PSME4: variants seen among roughly 807,000 people sequenced by gnomAD.
PSME4 encodes proteasome activator subunit 4, also known as proteasome activator complex subunit 4.
A neutral mutation model predicts 253.9 loss-of-function variants in PSME4; 89 were observed. That is an observed-to-expected ratio of 0.35 (90% CI 0.30 to 0.42). The LOEUF (loss-of-function observed/expected upper bound fraction) is 0.42. Ranked by LOEUF, PSME4 falls within the 10% of genes least tolerant of loss-of-function variation. The probability of loss-of-function intolerance (pLI) is 1.00; values close to 1 mark genes in which losing one functional copy is unlikely to be tolerated. For missense variants in PSME4, 2,014 were observed against 2,195.2 expected (o/e 0.92, Z 1.65); for synonymous variants, 851 against 759.2 (o/e 1.12, Z -1.99).
Position 53,901,241 on chromosome 2 carries a change from A to C in PSME4, c.3285+109T>G, listed in dbSNP as rs1573245476. On this transcript the variant is annotated intron_variant, in intron 28 of 46. Transcript: ENST00000404125. ...AAACGCTTTTTTAAAAAAACACTGGACTCAAATGCCAAGAATATTATTACT... is the reference window on the plus strand; with the variant it reads ...AAACGCTTTTTTAAAAAAACACTGGCCTCAAATGCCAAGAATATTATTACT... 10 of 986,900 alleles carry C rather than the reference A, an allele frequency of 1.0e-5. No homozygotes were observed. In the East Asian group the frequency reaches 2.5e-4, roughly 25 times the overall value. 61.1% of individuals were successfully genotyped at this position (986,900 alleles called of 1,614,324 possible).
intron 19 of PSME4, 40 bp downstream of exon 19, chr2:53,920,153 G>C (rs781639536): frequency 1.3e-6 from 2 of 1,527,568 alleles, no homozygotes; most frequent in Non-Finnish European, 1.8e-6. Flanking sequence ...GACTTCTTTA[G>C]TCTGCAACTG....
At chr2:53,949,080 T>C in intron 2 of PSME4, 63 bp downstream of exon 2, 1 of 1,465,198 alleles carries the variant, frequency 6.8e-7, no homozygotes, top group Non-Finnish European at 9.0e-7. Context: ...CACTTAGTCC[T>C]CATTCCCTAA....
At chr2:53,866,600 A>T (rs1573174803) in intron 45 of PSME4, 147 bp downstream of exon 45, 1 of 859,934 alleles carries the variant, frequency 1.2e-6, no homozygotes, top group Non-Finnish European at 1.7e-6. Flanking sequence ...GTAATTTTTT[A>T]ATAATTACTG....
chr2:53,934,562 A>C (rs1291365548), intron 8 of PSME4, 43 bp downstream of exon 8: 1 of 1,573,674 alleles, frequency 6.4e-7, no homozygotes, highest in Admixed American at 1.7e-5. Flanking sequence ...GTTAACACAA[A>C]ATAGGCGTAA....
At chr2:53,903,347 A>G (rs1444563143) in intron 27 of PSME4, among the ~76,000 whole-genome samples, 1 of 152,100 alleles carries the variant, frequency 6.6e-6, no homozygotes, top group Non-Finnish European at 1.5e-5. Context: ...AGTAACTTTG[A>G]CATTTCCTTT....
chr2:53,947,427 T>TG (rs1046467723), intron 3 of PSME4, among the ~76,000 whole-genome samples: 3 of 152,002 alleles, frequency 2.0e-5, no homozygotes, highest in Admixed American at 1.3e-4. Flanking sequence ...GTACACAGGC[T>TG]GGGGGTGGTG....
intron 20 of PSME4, among the ~76,000 whole-genome samples, chr2:53,910,910 A>C (rs955940457): frequency 2.0e-5 from 3 of 152,232 alleles, no homozygotes; most frequent in African/African-American, 7.2e-5. Context: ...ACATTCTAAA[A>C]GGAAAAAAAG....
intron 41 of PSME4, among the ~76,000 whole-genome samples, chr2:53,883,160 A>G (rs1006356527): frequency 2.0e-5 from 3 of 152,186 alleles, no homozygotes; most frequent in Non-Finnish European, 4.4e-5. Flanking sequence ...TTAAACTTAC[A>G]CTGTTACTGA....
Position 53,921,062 on chromosome 2 carries a change from G to A in PSME4, c.2089C>T (p.Gln697Ter). The A allele has an allele frequency of 6.2e-7, 1 of 1,613,962 alleles. No individual in the cohort carries two copies. ...GTTCTTTGGAGAATCTTTACAAGCT[G>A]CTCCCTATAAAGAAGCAACTTCCTT... The part of the protein sequence containing the change: ...DGRKLLLYRE[Q>*]LVKILQRTLH... Residue 697 changes from glutamine to a stop codon, truncating the protein, a stop_gained, in exon 18 of 47, where the codon CAG (glutamine) becomes TAG (stop). Coordinates refer to ENST00000404125, the MANE Select transcript of PSME4 (RefSeq NM_014614.3). LOFTEE classifies it high-confidence loss of function.
At chr2:53,896,523 T>C (rs572936703) in intron 32 of PSME4, among the ~76,000 whole-genome samples, 7 of 152,166 alleles carry the variant, frequency 4.6e-5, no homozygotes, top group Non-Finnish European at 8.8e-5. Flanking sequence ...ATTTAACAAA[T>C]TAATAACAGC....
chr2:53,952,054 T>C (rs1318413765), intron 1 of PSME4, among the ~76,000 whole-genome samples: 2 of 151,688 alleles, frequency 1.3e-5, no homozygotes, highest in Non-Finnish European at 2.9e-5. Flanking sequence ...AACATCTCCC[T>C]AAAAACTGGA....
At position 53,908,834 on chromosome 2, in the gene PSME4, G is replaced by A; in HGVS notation, c.2579C>T (p.Ser860Phe). ...AATTACTTCTCGGTGGTTCTCTCGA[G>A]ACAGATCTATTTTGAAAAAATAAAA... ...KLYTGLEYDL[S>F]RENHREVIAT... is the part of the protein sequence containing the mutation. Residue 860 changes from serine to phenylalanine, a missense_variant, in exon 22 of 47, where the codon TCT (serine) becomes TTT (phenylalanine). Coordinates refer to ENST00000404125, the MANE Select transcript of PSME4 (RefSeq NM_014614.3). 6.3e-7 allele frequency: 1 copy of A among 1,590,594 alleles called. No individual in the cohort carries two copies. The highest frequency in any genetic ancestry group is 8.6e-7 in the Non-Finnish European group (1 of 1,166,412).
chr2:53,898,400 A>T, intron 29 of PSME4, 46 bp from the exon 30 acceptor site: 2 of 1,361,222 alleles, frequency 1.5e-6, no homozygotes, highest in Non-Finnish European at 2.0e-6. Context: ...TACTAAAATG[A>T]ACATCAAAAA....
chr2:53,874,477 A>T lies in PSME4; in HGVS notation c.4962T>A (p.Ser1654=). 1 of 1,613,794 alleles carries T rather than the reference A, an allele frequency of 6.2e-7. No homozygotes were observed. ...TCAGTACTGTGTATCGTGCATGCCAAGAACTGCTTCTTGCTGTCTGTGAAT... is the reference window on the plus strand; with the variant it reads ...TCAGTACTGTGTATCGTGCATGCCATGAACTGCTTCTTGCTGTCTGTGAAT... ...QVLKQTARSS[S]WHARYTVLTY... Residue 1654 remains serine (S), a synonymous_variant, in exon 43 of 47, where the codon TCT becomes TCA. Coordinates refer to ENST00000404125, the MANE Select transcript of PSME4 (RefSeq NM_014614.3).
At position 53,866,737 on chromosome 2, in the gene PSME4, A is replaced by G. The variant is rs990229778; in HGVS notation, c.5397+10T>C. Reference sequence around the variant, plus strand: ...TAATACACGTACAAACTAATAAGGAAGAACTGTACCTCAATAGGCTGAGGA... The same window carrying G: ...TAATACACGTACAAACTAATAAGGAGGAACTGTACCTCAATAGGCTGAGGA... On this transcript the variant is annotated intron_variant, in intron 45 of 46. Transcript: ENST00000404125. The G allele has an allele frequency of 2.5e-6, 4 of 1,609,436 alleles. No individual in the cohort carries two copies. The Admixed American group carries it at 5.1e-5, about 20-fold the overall frequency.
chr2:53,895,703 C>G lies in PSME4; in HGVS notation c.3722G>C (p.Gly1241Ala). The change falls in exon 33 of 47, where the codon GGT becomes GCT. Residue 1241 changes from glycine (G) to alanine (A), a missense_variant. Around this residue, in one of 4 missense-constraint regions of PSME4, gnomAD observed 989 missense variants for 1,021.1 expected, o/e 0.97. Transcript: ENST00000404125. ...CAACCAATGATTATCAGGCCTATCA[C>G]CAGCAATAATTTGGGTGGGTTTAGG... is the stretch of plus-strand genomic sequence containing the variant. ...GCPKPTQIIA[G>A]DRPDNHWLHY... The G allele has an allele frequency of 6.2e-7, 1 of 1,611,952 alleles. No homozygotes were observed. Among genetic ancestry groups the G allele is most frequent in the Non-Finnish European group, 8.5e-7 (1 of 1,179,292 alleles).
intron 7 of PSME4, 56 bp downstream of exon 7, chr2:53,936,031 T>G: frequency 1.9e-6 from 3 of 1,567,716 alleles, no homozygotes; most frequent in Non-Finnish European, 1.7e-6. Flanking sequence ...GCAGCTGGGA[T>G]TACAGGCGCC....
At chr2:53,883,098 CTTTCTCAG>C (rs1276856080) in intron 41 of PSME4, among the ~76,000 whole-genome samples, 2 of 152,094 alleles carry the variant, frequency 1.3e-5, no homozygotes, top group Non-Finnish European at 2.9e-5. Context: ...TTCCTTCCAA[CTTTCTCAG>C]TTTTCTCTCA....
At chr2:53,925,749 G>A in intron 13 of PSME4, 60 bp from the exon 14 acceptor site, 1 of 1,502,238 alleles carries the variant, frequency 6.7e-7, no homozygotes, top group South Asian at 1.2e-5. Context: ...CATTTTTGGT[G>A]GTCATCAGGT....
Sources: allele counts gnomAD v4.1 joint callset (sites outside exome capture counted in the v4.1 genomes callset), GRCh38; gene constraint gnomAD v4.1.1; regional missense constraint gnomAD v4.1.1; transcripts MANE v1.5; gene names NCBI Gene and HGNC (gene_info 2026-07-23, HGNC 2026-07-21).